The following SOX5 variants were observed in gnomAD, a reference collection of about 807,000 sequenced individuals.
SOX5 encodes the protein transcription factor SOX-5.
Under a neutral mutation model 92.0 loss-of-function variants are expected in SOX5, and 9 were observed. The observed-to-expected ratio is 0.10, with a 90% CI of 0.06 to 0.17. SOX5 has a LOEUF of 0.17. Ranked by LOEUF, SOX5 falls within the 10% of genes least tolerant of loss-of-function variation. The pLI is 1.00. For synonymous variants in SOX5, 344 were observed against 336.3 expected (o/e 1.02, Z -0.25); for missense variants, 642 against 944.5 (o/e 0.68, Z 4.20).
chr12:23,680,325 C>CAAAATAAAAAAAAAA (rs2086394763), intron 6 of SOX5, among the ~76,000 whole-genome samples: 1 of 48,390 alleles, frequency 2.1e-5, no homozygotes, highest in Non-Finnish European at 3.9e-5. Flanking sequence ...GACCTTGTCT[C>CAAAATAAAAAAAAAA]AAAAAAAAAA....
At chr12:24,325,123 T>C (rs1950556003) in intron 2 of SOX5, among the ~76,000 whole-genome samples, 1 of 151,738 alleles carries the variant, frequency 6.6e-6, no homozygotes, top group African/African-American at 2.4e-5. Context: ...CTCAGCACTT[T>C]TCAGGTTAAA....
chr12:24,099,735 T>C (rs553650261), intron 4 of SOX5, among the ~76,000 whole-genome samples: 5 of 152,134 alleles, frequency 3.3e-5, no homozygotes, highest in Non-Finnish European at 7.4e-5. Flanking sequence ...TTCTTGAAGA[T>C]GTATTAAGTT....
At chr12:23,535,189 A>C (rs1199095440) in intron 14 of SOX5, among the ~76,000 whole-genome samples, 2 of 152,232 alleles carry the variant, frequency 1.3e-5, no homozygotes, top group Non-Finnish European at 2.9e-5. Context: ...TAACATGCAG[A>C]AATAGTATTT....
chr12:24,007,215 A>C (rs1388628757), intron 4 of SOX5, among the ~76,000 whole-genome samples: 1 of 35,960 alleles, frequency 2.8e-5, no homozygotes, highest in African/African-American at 8.4e-5. Context: ...TTATATATAT[A>C]AATGTATATA....
At chr12:23,606,259 T>C (rs1020251421) in intron 8 of SOX5, among the ~76,000 whole-genome samples, 8 of 151,862 alleles carry the variant, frequency 5.3e-5, no homozygotes, top group Non-Finnish European at 1.2e-4. Flanking sequence ...TGTACTAATA[T>C]TGAATTTAAA....
chr12:23,748,693 GGTTT>G (rs991484388), intron 4 of SOX5, among the ~76,000 whole-genome samples: 2 of 151,854 alleles, frequency 1.3e-5, no homozygotes, highest in African/African-American at 2.4e-5. Context: ...GTGCCAGGGT[GGTTT>G]GTTTGTTTTA....
intron 4 of SOX5, among the ~76,000 whole-genome samples, chr12:24,032,761 A>G (rs558681051): frequency 6.6e-6 from 1 of 152,046 alleles, no homozygotes; most frequent in African/African-American, 2.4e-5. Context: ...AAACTTAACT[A>G]AGGAAATTAA....
intron 1 of SOX5, among the ~76,000 whole-genome samples, chr12:24,483,465 C>T (rs1206365826): frequency 2.0e-5 from 3 of 152,168 alleles, no homozygotes; most frequent in Non-Finnish European, 2.9e-5. Context: ...AGATGAGATG[C>T]TAATTATGAG....
intron 6 of SOX5, among the ~76,000 whole-genome samples, chr12:23,729,552 T>G (rs371612034): frequency 6.6e-6 from 1 of 152,134 alleles, no homozygotes; most frequent in East Asian, 1.9e-4. Flanking sequence ...CCCAAAGGTA[T>G]GACTAGTCCT....
chr12:24,369,920 G>A (rs1196404155), intron 1 of SOX5, among the ~76,000 whole-genome samples: 1 of 152,176 alleles, frequency 6.6e-6, no homozygotes, highest in Non-Finnish European at 1.5e-5. Context: ...AGATCTCACT[G>A]TTAAAATTCA....
At chr12:24,425,954 G>A (rs1431311562) in intron 1 of SOX5, among the ~76,000 whole-genome samples, 1 of 152,190 alleles carries the variant, frequency 6.6e-6, no homozygotes, top group African/African-American at 2.4e-5. Flanking sequence ...GTGCTCCATT[G>A]ATTGAGTGCG....
intron 4 of SOX5, among the ~76,000 whole-genome samples, chr12:24,118,005 C>T (rs952815323): frequency 1.6e-5 from 2 of 122,750 alleles, no homozygotes; most frequent in African/African-American, 3.2e-5. Flanking sequence ...GGGAACAGAG[C>T]GAGACTCTCA....
intron 1 of SOX5, among the ~76,000 whole-genome samples, chr12:24,483,516 T>C (rs899811332): frequency 1.3e-5 from 2 of 152,232 alleles, no homozygotes; most frequent in African/African-American, 4.8e-5. Context: ...TGAGTACTTG[T>C]GTATTTTACC....
Position 23,688,204 on chromosome 12 carries a change from T to C in SOX5, c.811-22640A>G, listed in dbSNP as rs532427697. The stretch of plus-strand genomic sequence containing the variant: ...ATTCAGCAATACAATGATATAGTTC[T>C]CATCTCAATTATAATGTGATATTTA... On this transcript the variant is annotated intron_variant, in intron 6 of 14. Transcript: ENST00000451604. Among the ~76,000 whole-genome samples the C allele has an allele frequency of 4.6e-5, 7 of 152,208 alleles. No homozygotes were observed. In the East Asian group the frequency reaches 1.4e-3, roughly 29 times the overall value.
chr12:24,232,851 C>A (rs890816466), intron 3 of SOX5, among the ~76,000 whole-genome samples: 2 of 152,132 alleles, frequency 1.3e-5, no homozygotes, highest in Non-Finnish European at 2.9e-5. Flanking sequence ...ATCCATATTT[C>A]CGACACTTAA....
intron 4 of SOX5, among the ~76,000 whole-genome samples, chr12:24,117,808 C>T (rs1019855960): frequency 1.2e-4 from 18 of 151,758 alleles, no homozygotes; most frequent in South Asian, 8.3e-4. Flanking sequence ...GCACTTGAGG[C>T]GAGGGATTCA....
intron 2 of SOX5, among the ~76,000 whole-genome samples, chr12:24,353,408 C>A (rs567244676): frequency 7.9e-5 from 12 of 152,222 alleles, no homozygotes; most frequent in South Asian, 6.2e-4. Context: ...AGTGAAGCAA[C>A]AGGCCTAGAG....
chr12:23,542,343 A>C (rs1170190227), intron 13 of SOX5, among the ~76,000 whole-genome samples: 1 of 152,186 alleles, frequency 6.6e-6, no homozygotes, highest in Non-Finnish European at 1.5e-5. Context: ...AATCATCAAA[A>C]TTTTCTTAGG....
chr12:23,531,921 G>GTA lies in SOX5; in HGVS notation c.*2296_*2297dup, dbSNP rs969710015. On this transcript the variant is annotated 3_prime_UTR_variant, in exon 15 of 15. Coordinates refer to ENST00000451604, the MANE Select transcript of SOX5 (RefSeq NM_006940.6). ...TGTGTGTGTGTGTGTGTATATGTGT[G>GTA]TATATATATGTATATATATATATAC... 1.4e-4 allele frequency: 20 copies of GTA among 146,646 alleles called. No individual in the cohort carries two copies. The highest frequency in any genetic ancestry group is 7.4e-3 in the Middle Eastern group (2 of 270). 9.1% of individuals were successfully genotyped at this position (146,646 alleles called of 1,614,324 possible).
Sources: allele counts gnomAD v4.1 joint callset (sites outside exome capture counted in the v4.1 genomes callset), GRCh38; gene constraint gnomAD v4.1.1; transcripts MANE v1.5; gene names NCBI Gene and HGNC (gene_info 2026-07-23, HGNC 2026-07-21).